ADGRL2: variants seen among roughly 807,000 people sequenced by gnomAD.
The protein encoded by ADGRL2 is adhesion G protein-coupled receptor L2, also known as calcium-independent alpha-latrotoxin receptor 2.
In ADGRL2, 44 loss-of-function variants were observed where a neutral mutation model predicts 157.4. The ratio of observed to expected loss-of-function variants is 0.28; its 90% CI spans 0.22 to 0.36. ADGRL2 has a LOEUF of 0.36. Ranked by LOEUF, ADGRL2 falls within the 10% of genes least tolerant of loss-of-function variation. ADGRL2 has a pLI of 1.00. For missense variants in ADGRL2, 1,510 were observed against 1,768.9 expected (o/e 0.85, Z 2.63); for synonymous variants, 585 against 624.7 (o/e 0.94, Z 0.95).
At chr1:81,401,219 A>T (rs1359527514) in intron 1 of ADGRL2, among the ~76,000 whole-genome samples, 1 of 152,150 alleles carries the variant, frequency 6.6e-6, no homozygotes, top group East Asian at 1.9e-4. Context: ...AGGCAGTACC[A>T]CTTCAGCTCA....
chr1:81,819,800 C>A (rs567860184), intron 1 of ADGRL2, among the ~76,000 whole-genome samples: 4 of 152,248 alleles, frequency 2.6e-5, no homozygotes, highest in African/African-American at 9.6e-5. Context: ...ATTTTAGTAA[C>A]ATTCTTAACA....
intron 2 of ADGRL2, among the ~76,000 whole-genome samples, chr1:81,465,104 T>C (rs369500511): frequency 6.6e-6 from 1 of 152,076 alleles, no homozygotes; most frequent in African/African-American, 2.4e-5. Flanking sequence ...GTTGTTTAGA[T>C]CTACTGTATT....
At chr1:81,987,084 A>G (rs1452518489) in intron 22 of ADGRL2, 55 bp downstream of exon 22, 5 of 1,562,922 alleles carry the variant, frequency 3.2e-6, no homozygotes, top group Non-Finnish European at 4.3e-6. Flanking sequence ...CAGAGCTATG[A>G]TCTTTGCCCT....
At chr1:81,654,139 T>G (rs1426063853) in intron 3 of ADGRL2, among the ~76,000 whole-genome samples, 1 of 152,008 alleles carries the variant, frequency 6.6e-6, no homozygotes, top group Non-Finnish European at 1.5e-5. Context: ...AGAGATGGGA[T>G]TTCACCACGT....
intron 3 of ADGRL2, among the ~76,000 whole-genome samples, chr1:81,911,729 T>A (rs753628092): frequency 2.0e-5 from 3 of 152,194 alleles, no homozygotes; most frequent in Non-Finnish European, 4.4e-5. Context: ...TGCAAAGCAA[T>A]TCGTAGACAT....
intron 1 of ADGRL2, among the ~76,000 whole-genome samples, chr1:81,718,298 G>A (rs910261978): frequency 2.0e-5 from 3 of 152,182 alleles, no homozygotes; most frequent in African/African-American, 7.2e-5. Context: ...GATTACAGGC[G>A]TGAGCCACCG....
At chr1:81,349,631 TACAC>T (rs36213279) in intron 1 of ADGRL2, among the ~76,000 whole-genome samples, 4,987 of 142,770 alleles carry the variant, frequency 0.035, 102 homozygotes, top group South Asian at 0.076. Flanking sequence ...TGTTGTGAGC[TACAC>T]ACACACACAC....
chr1:81,746,524 A>C (rs1256981062), intron 1 of ADGRL2, among the ~76,000 whole-genome samples: 2 of 152,124 alleles, frequency 1.3e-5, no homozygotes, highest in Admixed American at 6.5e-5. Context: ...TCCTGGGCTC[A>C]AGGGATCCAT....
intron 3 of ADGRL2, among the ~76,000 whole-genome samples, chr1:81,915,380 T>A (rs996784130): frequency 3.3e-5 from 5 of 152,204 alleles, no homozygotes; most frequent in African/African-American, 1.2e-4. Flanking sequence ...GGCCTGGCTC[T>A]GTTTTTCATT....
chr1:81,915,808 G>A (rs758894055), intron 3 of ADGRL2, among the ~76,000 whole-genome samples: 1 of 152,118 alleles, frequency 6.6e-6, no homozygotes, highest in African/African-American at 2.4e-5. Context: ...AGACGTGAAC[G>A]TGAACATTTC....
chr1:81,694,538 A>G (rs1020846497), intron 3 of ADGRL2, among the ~76,000 whole-genome samples: 2 of 152,044 alleles, frequency 1.3e-5, no homozygotes, highest in African/African-American at 4.8e-5. Flanking sequence ...TCAAAATAAG[A>G]TCATATAATT....
At chr1:81,826,021 G>T (rs1395607583) in intron 1 of ADGRL2, among the ~76,000 whole-genome samples, 1 of 152,124 alleles carries the variant, frequency 6.6e-6, no homozygotes, top group Non-Finnish European at 1.5e-5. Context: ...CAGTGAATGT[G>T]TACCTCTTTA....
intron 3 of ADGRL2, among the ~76,000 whole-genome samples, chr1:81,583,332 T>C (rs1275654996): frequency 6.6e-6 from 1 of 152,192 alleles, no homozygotes; most frequent in Non-Finnish European, 1.5e-5. Context: ...GTTCATTTAA[T>C]ATAACTTTTA....
intron 3 of ADGRL2, among the ~76,000 whole-genome samples, chr1:81,907,590 T>A (rs1425301732): frequency 6.6e-6 from 1 of 152,312 alleles, no homozygotes; most frequent in South Asian, 2.1e-4. Flanking sequence ...TCTTTGGCAT[T>A]AGTTGCTACT....
chr1:81,324,893 T>C (rs1660786999), intron 1 of ADGRL2, among the ~76,000 whole-genome samples: 1 of 152,118 alleles, frequency 6.6e-6, no homozygotes, highest in Non-Finnish European at 1.5e-5. Context: ...ATTTTTGTAC[T>C]TTTAGTAGAG....
chr1:81,515,995 T>C (rs2079169520), intron 2 of ADGRL2, among the ~76,000 whole-genome samples: 2 of 152,222 alleles, frequency 1.3e-5, no homozygotes, highest in Admixed American at 1.3e-4. Flanking sequence ...CAGAATGAAC[T>C]ATTTATCATC....
intron 1 of ADGRL2, chr1:81,426,694 T>C (rs2077223536): frequency 2.1e-6 from 1 of 472,744 alleles, no homozygotes; most frequent in Non-Finnish European, 4.1e-6. Context: ...GGTTTGGTTT[T>C]GTGACTTACT....
intron 1 of ADGRL2, among the ~76,000 whole-genome samples, chr1:81,312,588 C>T (rs1659831928): frequency 6.6e-6 from 1 of 152,194 alleles, no homozygotes; most frequent in Admixed American, 6.5e-5. Context: ...ACTCTAACCA[C>T]ATGCTAGAGG....
At chr1:81,573,447 G>T (rs913633880) in intron 2 of ADGRL2, among the ~76,000 whole-genome samples, 3 of 151,906 alleles carry the variant, frequency 2.0e-5, no homozygotes, top group African/African-American at 7.3e-5. Context: ...CCTTCTCAAT[G>T]ACATAGGTCT....
Sources: allele counts gnomAD v4.1 joint callset (sites outside exome capture counted in the v4.1 genomes callset), GRCh38; gene constraint gnomAD v4.1.1; transcripts MANE v1.5; gene names NCBI Gene and HGNC (gene_info 2026-07-23, HGNC 2026-07-21).